The following ATRX variants were observed in gnomAD, a reference collection of about 807,000 sequenced individuals.
ATRX encodes the protein ATRX chromatin remodeler, also known as chromatin remodeler ATRX.
A neutral mutation model predicts 172.6 loss-of-function variants in ATRX; 12 were observed. The ratio of observed to expected loss-of-function variants is 0.07; its 90% CI spans 0.04 to 0.11. The LOEUF is 0.11. ATRX is among the 10% of genes least tolerant of loss of function. ATRX has a pLI of 1.00. For missense variants in ATRX, 1,368 were observed against 1,767.4 expected (o/e 0.77, Z 4.05); for synonymous variants, 674 against 594.7 (o/e 1.13, Z -1.94).
chrX:77,742,732 G>A (rs2074925605), intron 1 of ATRX, among the ~76,000 whole-genome samples: 1 of 111,648 alleles, frequency 9.0e-6, no homozygotes. Flanking sequence ...CCCAATATGG[G>A]AGAGGGTGAG....
At chrX:77,700,420 C>T (rs1365671231) in intron 2 of ATRX, among the ~76,000 whole-genome samples, 1 of 111,947 alleles carries the variant, frequency 8.9e-6, no homozygotes, top group Non-Finnish European at 1.9e-5. Context: ...CTCAGGAAAA[C>T]AGTTCAGCAA....
At chrX:77,734,222 T>TACAC (rs2074434503) in intron 1 of ATRX, among the ~76,000 whole-genome samples, 1 of 102,644 alleles carries the variant, frequency 9.7e-6, no homozygotes, top group Non-Finnish European at 2.0e-5. Context: ...CATACATACA[T>TACAC]ACATACATAC....
chrX:77,756,981 T>A (rs1930033136), intron 1 of ATRX, among the ~76,000 whole-genome samples: 1 of 110,689 alleles, frequency 9.0e-6, no homozygotes, highest in South Asian at 3.9e-4. Context: ...AGACGAAGTT[T>A]CACCATGTTG....
chrX:77,750,505 T>C (rs1557187007), intron 1 of ATRX, among the ~76,000 whole-genome samples: 1 of 111,274 alleles, frequency 9.0e-6, no homozygotes, highest in East Asian at 2.8e-4. Flanking sequence ...TTAACGCGCA[T>C]AGTAACTTCC....
intron 1 of ATRX, among the ~76,000 whole-genome samples, chrX:77,754,676 T>G (rs1234599868): frequency 2.7e-5 from 3 of 112,203 alleles, no homozygotes; most frequent in Non-Finnish European, 5.6e-5. Context: ...CCCCACTCTC[T>G]TCTGGCTTGT....
chrX:77,723,261 C>CGG (rs2073868639), intron 1 of ATRX, among the ~76,000 whole-genome samples: 16 of 111,056 alleles, frequency 1.4e-4, no homozygotes, highest in Admixed American at 5.8e-4. Flanking sequence ...AGCAAACCAC[C>CGG]ATGGCACGTG....
chrX:77,756,686 A>G (rs887301199), intron 1 of ATRX, among the ~76,000 whole-genome samples: 5 of 110,533 alleles, frequency 4.5e-5, no homozygotes, highest in South Asian at 3.9e-4. Flanking sequence ...ACCAGTCCCA[A>G]TGAGATGAAC....
intron 23 of ATRX, among the ~76,000 whole-genome samples, chrX:77,600,064 G>A (rs1189725491): frequency 1.8e-5 from 2 of 111,280 alleles, no homozygotes; most frequent in African/African-American, 6.5e-5. Context: ...TCCAAATAAA[G>A]TCTGCCATTT....
chrX:77,521,100 T>A (rs1557041198), intron 33 of ATRX, 184 bp from the exon 34 acceptor site: 1 of 458,102 alleles, frequency 2.2e-6, no homozygotes, highest in Non-Finnish European at 3.7e-6. Flanking sequence ...GGGCTGGCTA[T>A]CTCTGGAATG....
chrX:77,691,206 A>G (rs1175244766), intron 6 of ATRX: 1 of 112,315 alleles, frequency 8.9e-6, no homozygotes, highest in East Asian at 2.8e-4. Context: ...CATGCATAAA[A>G]CTTCAATATA....
In ATRX at chrX:77,536,858, C is replaced by T. The variant is rs187110767; in HGVS notation, c.6700-13457G>A. ...ATATACTTACACACACACACACGCA[C>T]GTGCACACACACCAAAAAAAGGTGG... is the stretch of plus-strand genomic sequence containing the variant. On this transcript the variant is annotated intron_variant, in intron 30 of 34. Coordinates refer to ENST00000373344, the MANE Select transcript of ATRX (RefSeq NM_000489.6). Among the ~76,000 whole-genome samples the T allele has an allele frequency of 1.2e-4, 13 of 111,300 alleles. No individual in the cohort carries two copies. In the East Asian group the frequency reaches 2.3e-3, roughly 19 times the overall value.
chrX:77,730,767 G>A (rs1243341605), intron 1 of ATRX, among the ~76,000 whole-genome samples: 1 of 111,198 alleles, frequency 9.0e-6, no homozygotes, highest in African/African-American at 3.3e-5. Context: ...AAGAAAATTG[G>A]AAAATTCATT....
chrX:77,534,293 T>G (rs1241730830), intron 30 of ATRX, among the ~76,000 whole-genome samples: 3 of 111,962 alleles, frequency 2.7e-5, no homozygotes, highest in Non-Finnish European at 5.6e-5. Context: ...CCCTTTTAAA[T>G]TAATAGCAGC....
chrX:77,734,391 C>T (rs782315669), intron 1 of ATRX, among the ~76,000 whole-genome samples: 11 of 110,555 alleles, frequency 9.9e-5, no homozygotes, highest in Non-Finnish European at 2.1e-4. Context: ...GCACGCCAGC[C>T]TGGGTGATGA....
chrX:77,682,132 C>T lies in ATRX; in HGVS notation c.3124G>A (p.Gly1042Arg), dbSNP rs782633384. 1 of 1,208,387 alleles carries T rather than the reference C, an allele frequency of 8.3e-7. No individual in the cohort carries two copies. Among genetic ancestry groups the T allele is most frequent in the African/African-American group, 1.8e-5 (1 of 57,110 alleles). The change falls in exon 9 of 35, where the codon GGA becomes AGA. Residue 1042 changes from glycine (G) to arginine (R), a missense_variant. Gly to Arg is a moderately radical substitution (Grantham distance 125). Coordinates refer to ENST00000373344, the MANE Select transcript of ATRX (RefSeq NM_000489.6). ...IKQIKNGTTD[G>R]EKKSKKIRDK... ...CTTATTTTTTTACTTTTCTTTTCTC[C>T]ATCAGTTGTTCCATTCTTAATTTGT...
At chrX:77,668,533 G>A (rs1483680241) in intron 10 of ATRX, among the ~76,000 whole-genome samples, 1 of 111,653 alleles carries the variant, frequency 9.0e-6, no homozygotes, top group Non-Finnish European at 1.9e-5. Flanking sequence ...GGCACAGGCC[G>A]TGCCACTCTT....
At chrX:77,597,660 G>T (rs1376697731) in intron 25 of ATRX, among the ~76,000 whole-genome samples, 1 of 111,683 alleles carries the variant, frequency 9.0e-6, no homozygotes, top group East Asian at 2.8e-4. Context: ...CTTCTCAAAA[G>T]AGAACATACA....
intron 1 of ATRX, among the ~76,000 whole-genome samples, chrX:77,753,941 T>TA (rs1225404903): frequency 8.9e-6 from 1 of 111,885 alleles, no homozygotes; most frequent in East Asian, 2.8e-4. Flanking sequence ...AGTGTGGTGT[T>TA]AAAGTCTCCC....
chrX:77,696,451 A>G (rs2072189627), intron 5 of ATRX, 126 bp downstream of exon 5: 1 of 708,964 alleles, frequency 1.4e-6, no homozygotes, highest in Admixed American at 2.8e-5. Flanking sequence ...TTTCTAGACA[A>G]CCACTAGGAA....
Sources: gnomAD v4.1 joint callset for allele counts (sites outside exome capture counted in the v4.1 genomes callset) on GRCh38, gnomAD v4.1.1 for gene constraint, MANE v1.5 for transcripts, NCBI Gene and HGNC (gene_info 2026-07-23, HGNC 2026-07-21) for gene names.